CFAP58: variants seen among roughly 807,000 people sequenced by gnomAD.
The protein encoded by CFAP58 is cilia and flagella associated protein 58, also known as cilia- and flagella-associated protein 58.
Under a neutral mutation model 119.5 loss-of-function variants are expected in CFAP58, and 88 were observed. The observed-to-expected ratio is 0.74, with a 90% CI of 0.62 to 0.88. CFAP58 has a LOEUF of 0.88. CFAP58 is among the 40% of genes least tolerant of loss of function. The pLI is 0.00. For synonymous variants in CFAP58, 365 were observed against 366.3 expected (o/e 1.00, Z 0.04); for missense variants, 990 against 1,021.2 (o/e 0.97, Z 0.42).
At position 104,357,855 on chromosome 10, in the gene CFAP58, A is replaced by ATG. The variant is rs1225155908; in HGVS notation, c.10-485_10-484insGT. 5.3e-3 allele frequency among the ~76,000 whole-genome samples: 249 copies of ATG among 46,718 alleles called. 4 individuals are homozygous for ATG. Among genetic ancestry groups the ATG allele is most frequent in the Non-Finnish European group, 6.3e-3 (131 of 20,734 alleles). 30.6% of individuals were successfully genotyped at this position (46,718 alleles called of 152,430 possible). ...TATATGTACACATATGTACACATAT[A>ATG]TACACATATATACACATATATGTAC... is the stretch of plus-strand genomic sequence containing the variant. On this transcript the variant is annotated intron_variant, in intron 1 of 17. Coordinates refer to ENST00000369704, the MANE Select transcript of CFAP58 (RefSeq NM_001008723.2).
At chr10:104,342,009 A>G in the CFAP58 span, among the ~76,000 whole-genome samples, 1 of 152,246 alleles carries the variant, frequency 6.6e-6, no homozygotes, top group East Asian at 1.9e-4. Context: ...ACGGAATACC[A>G]GACTGTAATT....
In CFAP58 at chr10:104,399,338, TG is replaced by T. The variant is rs765885380; in HGVS notation, c.1675-21del. On this transcript the variant is annotated intron_variant, in intron 11 of 17. Coordinates refer to ENST00000369704, the MANE Select transcript of CFAP58 (RefSeq NM_001008723.2). ...GTGCTGTAACGAATTGAAATTTGCC[TG>T]TATCTTCCACTCTTTGTCAGGCTGA... The T allele has an allele frequency of 5.6e-6, 9 of 1,611,812 alleles. No homozygotes were observed. In the Admixed American group the frequency reaches 1.5e-4, roughly 27 times the overall value.
At chr10:104,422,549 A>G (rs556848629) in intron 15 of CFAP58, among the ~76,000 whole-genome samples, 2 of 152,182 alleles carry the variant, frequency 1.3e-5, no homozygotes, top group African/African-American at 4.8e-5. Flanking sequence ...CTGGGCTGAC[A>G]TGTGCTTTTT....
chr10:104,392,443 A>G (rs1267644980), intron 10 of CFAP58, 49 bp downstream of exon 10: 4 of 1,331,120 alleles, frequency 3.0e-6, no homozygotes, highest in African/African-American at 3.0e-5. Context: ...TTTACCCTGC[A>G]TTTAAAACAG....
At chr10:104,368,642 A>C in intron 6 of CFAP58, 82 bp downstream of exon 6, 1 of 1,498,066 alleles carries the variant, frequency 6.7e-7, no homozygotes, top group Non-Finnish European at 9.2e-7. Flanking sequence ...CCTCAGTTGG[A>C]GAGCCTGTGT....
chr10:104,362,087 C>A lies in CFAP58; in HGVS notation c.356C>A (p.Thr119Lys), dbSNP rs778902373. 1.9e-6 allele frequency: 3 copies of A among 1,613,912 alleles called. No homozygotes were observed. The highest frequency in any genetic ancestry group is 1.6e-4 in the Middle Eastern group (1 of 6,082). Residue 119 changes from threonine (T) to lysine (K), a missense_variant, in exon 3 of 18, where the codon ACG becomes AAG. Transcript: ENST00000369704. The stretch of plus-strand genomic sequence containing the variant: ...GACAAAGAGCAGAAGGCCAAGGAGA[C>A]GATTCTTGCTCTGAAAGAGGAAATA... The part of the protein sequence containing the change: ...AYDKEQKAKE[T>K]ILALKEEIVN...
chr10:104,359,583 A>T (rs1260917483), intron 2 of CFAP58, among the ~76,000 whole-genome samples: 1 of 152,222 alleles, frequency 6.6e-6, no homozygotes, highest in East Asian at 1.9e-4. Context: ...TGGGTGGATC[A>T]CCTGAGGTCA....
At chr10:104,375,526 C>T (rs1377840940) in intron 7 of CFAP58, among the ~76,000 whole-genome samples, 1 of 152,072 alleles carries the variant, frequency 6.6e-6, no homozygotes, top group Non-Finnish European at 1.5e-5. Flanking sequence ...CGAGACCAGC[C>T]TGGCCAACAT....
intron 8 of CFAP58, among the ~76,000 whole-genome samples, chr10:104,379,288 T>C (rs2011733427): frequency 6.6e-6 from 1 of 152,354 alleles, no homozygotes; most frequent in East Asian, 1.9e-4. Flanking sequence ...GTGTCTGGCA[T>C]GTTTCATTCA....
chr10:104,402,756 C>T (rs943248317), intron 13 of CFAP58, among the ~76,000 whole-genome samples: 5 of 152,182 alleles, frequency 3.3e-5, no homozygotes, highest in African/African-American at 1.2e-4. Context: ...ACTTGGATTT[C>T]TCAATCCGGA....
chr10:104,441,237 G>T (rs1309316360), intron 15 of CFAP58, among the ~76,000 whole-genome samples: 1 of 152,064 alleles, frequency 6.6e-6, no homozygotes. Flanking sequence ...TCCTGATCTC[G>T]AGTGATTTGC....
chr10:104,439,384 G>T (rs2012996340), intron 15 of CFAP58, among the ~76,000 whole-genome samples: 1 of 152,080 alleles, frequency 6.6e-6, no homozygotes, highest in Admixed American at 6.5e-5. Context: ...AATGTTGTCA[G>T]TTATGTCAAA....
intron 13 of CFAP58, 148 bp downstream of exon 13, chr10:104,401,051 A>T: frequency 1.6e-6 from 1 of 618,872 alleles, no homozygotes; most frequent in Non-Finnish European, 2.8e-6. Flanking sequence ...AACAAATAAT[A>T]AGAGCAGCTT....
At chr10:104,370,416 A>G (rs1353287122) in intron 6 of CFAP58, among the ~76,000 whole-genome samples, 2 of 152,200 alleles carry the variant, frequency 1.3e-5, no homozygotes, top group Non-Finnish European at 2.9e-5. Context: ...GGAGGAACAA[A>G]TCACATCTTA....
chr10:104,372,378 GA>G (rs1182701650), intron 7 of CFAP58, among the ~76,000 whole-genome samples: 1 of 151,650 alleles, frequency 6.6e-6, no homozygotes, highest in Non-Finnish European at 1.5e-5. Context: ...AAAAGAGAGA[GA>G]AAAAAAAGAA....
At chr10:104,388,247 T>C (rs1234775853) in intron 9 of CFAP58, among the ~76,000 whole-genome samples, 2 of 152,208 alleles carry the variant, frequency 1.3e-5, no homozygotes, top group African/African-American at 4.8e-5. Flanking sequence ...CTTTTTAAAG[T>C]ACTAGTATTA....
chr10:104,371,971 G>C (rs2132998763), intron 7 of CFAP58, among the ~76,000 whole-genome samples: 1 of 152,190 alleles, frequency 6.6e-6, no homozygotes, highest in East Asian at 1.9e-4. Context: ...AAGCACAAAA[G>C]CACACATTCC....
chr10:104,350,328 T>C (rs999148282), upstream of CFAP58, among the ~76,000 whole-genome samples: 4 of 152,212 alleles, frequency 2.6e-5, no homozygotes, highest in Admixed American at 2.0e-4. Flanking sequence ...CTAGAGGCTC[T>C]GAAAGGTGAG....
chr10:104,426,963 A>G (rs1213150998), intron 15 of CFAP58, among the ~76,000 whole-genome samples: 1 of 152,246 alleles, frequency 6.6e-6, no homozygotes, highest in Non-Finnish European at 1.5e-5. Context: ...ATTAGTTGGA[A>G]CAATGGAAAT....
Sources: allele counts gnomAD v4.1 joint callset (sites outside exome capture counted in the v4.1 genomes callset), GRCh38; gene constraint gnomAD v4.1.1; transcripts MANE v1.5; gene names NCBI Gene and HGNC (gene_info 2026-07-23, HGNC 2026-07-21).